ARHGEF15: variants seen among roughly 807,000 people sequenced by gnomAD.
The protein encoded by ARHGEF15 is Rho guanine nucleotide exchange factor 15.
A neutral mutation model predicts 79.7 loss-of-function variants in ARHGEF15; 58 were observed. The observed-to-expected ratio is 0.73, with a 90% CI of 0.59 to 0.91. The LOEUF (loss-of-function observed/expected upper bound fraction) is 0.91. ARHGEF15 is among the 40% of genes least tolerant of loss of function. The pLI, the probability that ARHGEF15 is intolerant of heterozygous loss-of-function variation, is 0.00. For missense variants in ARHGEF15, 1,012 were observed against 1,108.1 expected (o/e 0.91, Z 1.23); for synonymous variants, 442 against 456.0 (o/e 0.97, Z 0.39).
At chr17:8,316,596 T>C (rs1274702883) in intron 9 of ARHGEF15, among the ~76,000 whole-genome samples, 3 of 152,230 alleles carry the variant, frequency 2.0e-5, no homozygotes, top group African/African-American at 7.2e-5. Flanking sequence ...GTGAAAATAA[T>C]CTTAGTTATT....
At chr17:8,313,463 G>A (rs1904805505) in intron 3 of ARHGEF15, 38 bp from the exon 4 acceptor site, 1 of 1,601,800 alleles carries the variant, frequency 6.2e-7, no homozygotes, top group Non-Finnish European at 8.5e-7. Context: ...GGGGATCCTG[G>A]AGTTTTTTTT....
chr17:8,313,004 G>T lies in ARHGEF15; in HGVS notation c.684G>T (p.Val228=), dbSNP rs1248118539. 3 of 1,611,210 alleles carry T rather than the reference G, an allele frequency of 1.9e-6. No individual in the cohort carries two copies. The highest frequency in any genetic ancestry group is 2.5e-6 in the Non-Finnish European group (3 of 1,178,574). Residue 228 remains valine, a synonymous_variant, in exon 3 of 16, where the codon GTG becomes GTT. Transcript: ENST00000361926. ...GCCTGGAGCTCAGATGGGTGCCTGT[G>T]GGGGGCTATGAGGAGGTCCCCAGGG... ...RPGLELRWVP[V]GGYEEVPRVP... is the part of the protein sequence containing the mutation.
chr17:8,316,705 A>G (rs1905046333), intron 9 of ARHGEF15, among the ~76,000 whole-genome samples: 1 of 152,242 alleles, frequency 6.6e-6, no homozygotes, highest in Non-Finnish European at 1.5e-5. Flanking sequence ...AGGGAAAATT[A>G]TCTTAAAAAG....
At position 8,315,399 on chromosome 17, in the gene ARHGEF15, T is replaced by A; in HGVS notation, c.1261-15T>A. On this transcript the variant is annotated splice_polypyrimidine_tract_variant and intron_variant, in intron 6 of 15. Transcript: ENST00000361926. This position sits in a 1 kb window ranked among gnomAD's most constrained non-coding sequence, Gnocchi z 4.3. ...GTGAACTGGGCTTCCCACGACTGCC[T>A]GCTTTTCTTTCTAGAGTCTTTTCGA... 1.9e-6 allele frequency: 3 copies of A among 1,613,868 alleles called. No homozygotes were observed. The South Asian group carries it at 3.3e-5, about 18-fold the overall frequency.
At position 8,318,794 on chromosome 17, in the gene ARHGEF15, A is replaced by G. The variant is rs1905189841; in HGVS notation, c.1917A>G (p.Gly639=). The part of the protein sequence containing the change: ...VSWSRRLEFQ[G]ELTELGCRRG... Reference sequence around the variant, plus strand: ...GGTCACGGCGCCTGGAATTCCAGGGAGAGCTGACTGAGTTAGGGTGCCGGA... The same window carrying G: ...GGTCACGGCGCCTGGAATTCCAGGGGGAGCTGACTGAGTTAGGGTGCCGGA... Residue 639 remains glycine, a synonymous_variant, in exon 12 of 16, where the codon GGA becomes GGG. Coordinates refer to ENST00000361926, the MANE Select transcript of ARHGEF15 (RefSeq NM_173728.4). The surrounding 1 kb of genome is among the most constrained non-coding windows in gnomAD (Gnocchi z 5.0). The G allele has an allele frequency of 6.2e-7, 1 of 1,613,350 alleles. No homozygotes were observed. The highest frequency in any genetic ancestry group is 1.3e-5 in the African/African-American group (1 of 74,866).
chr17:8,315,652 T>G lies in ARHGEF15; in HGVS notation c.1421+78T>G, dbSNP rs1440346073. ...CCCTTTCCTCTCTCCCGGGCCCAGGTCCTTCCTTCTACGGACCCAGTTAGT... is the reference window on the plus strand; with the variant it reads ...CCCTTTCCTCTCTCCCGGGCCCAGGGCCTTCCTTCTACGGACCCAGTTAGT... On this transcript the variant is annotated intron_variant, in intron 7 of 15. Coordinates refer to ENST00000361926, the MANE Select transcript of ARHGEF15 (RefSeq NM_173728.4). The surrounding 1 kb of genome is among the most constrained non-coding windows in gnomAD (Gnocchi z 4.3). The G allele has an allele frequency of 5.7e-6, 9 of 1,591,522 alleles. No homozygotes were observed. Among genetic ancestry groups the G allele is most frequent in the Non-Finnish European group, 7.7e-6 (9 of 1,171,138 alleles).
chr17:8,314,766 C>A (rs1597462843), intron 4 of ARHGEF15, 140 bp from the exon 5 acceptor site: 36 of 621,896 alleles, frequency 5.8e-5, no homozygotes, highest in Middle Eastern at 4.9e-4. Flanking sequence ...AAAAAAAAGC[C>A]TGAGGTTTGA....
Position 8,315,848 on chromosome 17 carries a change from G to T in ARHGEF15, c.1515G>T (p.Ser505=). 1 of 1,612,456 alleles carries T rather than the reference G, an allele frequency of 6.2e-7. No individual in the cohort carries two copies. Among genetic ancestry groups the T allele is most frequent in the South Asian group, 1.1e-5 (1 of 91,062 alleles). The change falls in exon 8 of 16, where the codon TCG becomes TCT. Residue 505 remains serine (S), a synonymous_variant. Transcript: ENST00000361926. This position sits in a 1 kb window ranked among gnomAD's most constrained non-coding sequence, Gnocchi z 4.3. ...ATGCCCACGCTGTGGGGCCTTTCTC[G>T]GTGTATGTGGATTATGTGCGGAACC... is the stretch of plus-strand genomic sequence containing the variant. ...VVHAHAVGPF[S]VYVDYVRNQQ...
At chr17:8,310,701 C>T (rs1904547807) in intron 1 of ARHGEF15, 1 of 152,208 alleles carries the variant, frequency 6.6e-6, no homozygotes, top group Admixed American at 6.6e-5. Context: ...ACCTCTGAGA[C>T]CCTGGATACC....
Position 8,316,163 on chromosome 17 carries a change from T to C in ARHGEF15, c.1704+15T>C, listed in dbSNP as rs569102838. On this transcript the variant is annotated intron_variant, in intron 9 of 15. Transcript: ENST00000361926. ...TGCTGCTGCAGGTACCTGTCCCAGC[T>C]GCGGCCGTTTCTGCCCCACCAACCC... The C allele has an allele frequency of 2.8e-5, 45 of 1,597,254 alleles. 1 individual carries two copies. Among genetic ancestry groups the C allele is most frequent in the Middle Eastern group, 3.7e-4 (2 of 5,344 alleles).
rs750667675 is a variant in ARHGEF15, at chr17:8,312,035, G to T, written c.-5G>T. On this transcript the variant is annotated 5_prime_UTR_variant, in exon 2 of 16. The change creates a new upstream start codon in the 5' untranslated region. Transcript: ENST00000361926. Reference sequence around the variant, plus strand: ...ACCTCACTCCTTTGAAGAGCACAGAGGAAGATGTCAGCCCAGTCCCTTCCT... The same window carrying T: ...ACCTCACTCCTTTGAAGAGCACAGATGAAGATGTCAGCCCAGTCCCTTCCT... 1.3e-6 allele frequency: 2 copies of T among 1,583,814 alleles called. No homozygotes were observed. Among genetic ancestry groups the T allele is most frequent in the East Asian group, 4.5e-5 (2 of 44,286 alleles).
chr17:8,314,810 T>G (rs1904899616), intron 4 of ARHGEF15, 96 bp from the exon 5 acceptor site: 1 of 1,389,800 alleles, frequency 7.2e-7, no homozygotes, highest in Non-Finnish European at 9.7e-7. Flanking sequence ...ACATCCAACC[T>G]GCACATGGGT....
rs1904921136 is a variant in ARHGEF15 at position 8,315,115 on chromosome 17, G to C, written c.1098G>C (p.Trp366Cys). Residue 366 changes from tryptophan to cysteine, a missense_variant, in exon 6 of 16, where the codon TGG (tryptophan) becomes TGC (cysteine). Coordinates refer to ENST00000361926, the MANE Select transcript of ARHGEF15 (RefSeq NM_173728.4). The surrounding 1 kb of genome is among the most constrained non-coding windows in gnomAD (Gnocchi z 4.3). ...CAGCCGTGCTGTCAGAGGAGCTGTGGGGGGTGGGTGAGGATGGGAGTCCTT... is the reference window on the plus strand; with the variant it reads ...CAGCCGTGCTGTCAGAGGAGCTGTGCGGGGTGGGTGAGGATGGGAGTCCTT... The part of the protein sequence containing the change: ...YRAAVLSEEL[W>C]GVGEDGSPSP... 7 of 1,613,884 alleles carry C rather than the reference G, an allele frequency of 4.3e-6. No individual in the cohort carries two copies. In the East Asian group the frequency reaches 1.6e-4, roughly 36 times the overall value.
rs3744651 is a variant in ARHGEF15 at position 8,312,216 on chromosome 17, C to T, written c.177C>T (p.Thr59=). The T allele has an allele frequency of 0.34, 543,519 of 1,576,416 alleles. 97,647 individuals are homozygous for T. Among genetic ancestry groups the T allele is most frequent in the East Asian group, 0.69 (30,338 of 44,192 alleles). The change falls in exon 2 of 16, where the codon ACC becomes ACT. Residue 59 remains threonine (T), a synonymous_variant. Coordinates refer to ENST00000361926, the MANE Select transcript of ARHGEF15 (RefSeq NM_173728.4). ...NSNDAPTPMC[T]PIFWEPPAAS... is the part of the protein sequence containing the mutation. ...ATGATGCACCAACCCCAATGTGCAC[C>T]CCCATCTTCTGGGAGCCCCCAGCTG... is the stretch of plus-strand genomic sequence containing the variant.
chr17:8,319,573 G>T lies in ARHGEF15; in HGVS notation c.2344G>T (p.Ala782Ser). 1 of 1,604,938 alleles carries T rather than the reference G, an allele frequency of 6.2e-7. No individual in the cohort carries two copies. The highest frequency in any genetic ancestry group is 1.3e-5 in the African/African-American group (1 of 74,264). The change falls in exon 15 of 16, where the codon GCC (alanine) becomes TCC (serine). Residue 782 changes from alanine to serine, a missense_variant. Ala to Ser is a moderately conservative substitution (Grantham distance 99). Coordinates refer to ENST00000361926, the MANE Select transcript of ARHGEF15 (RefSeq NM_173728.4). ...TEGRSLESRA[A>S]PKHLHKTPEG... ...AGGACGGAGTCTGGAGTCCAGGGCT[G>T]CCCCCAAACACCTGCACAAGACCCC...
rs1338292603 is a variant in ARHGEF15, at chr17:8,313,267, G to T, written c.934+13G>T. 32 of 1,601,442 alleles carry T rather than the reference G, an allele frequency of 2.0e-5. No individual in the cohort carries two copies. Among genetic ancestry groups the T allele is most frequent in the Non-Finnish European group, 2.5e-5 (29 of 1,178,246 alleles). On this transcript the variant is annotated intron_variant, in intron 3 of 15. Coordinates refer to ENST00000361926, the MANE Select transcript of ARHGEF15 (RefSeq NM_173728.4). ...GGAATCCAAACAGGTGCAGGGCCTGGGGGAGTGGACCTCTGGGCTGTGAGG... is the reference window on the plus strand; with the variant it reads ...GGAATCCAAACAGGTGCAGGGCCTGTGGGAGTGGACCTCTGGGCTGTGAGG...
Position 8,318,837 on chromosome 17 carries a change from G to T in ARHGEF15, c.1960G>T (p.Ala654Ser). The T allele has an allele frequency of 6.2e-7, 1 of 1,613,510 alleles. No individual in the cohort carries two copies. Among genetic ancestry groups the T allele is most frequent in the Non-Finnish European group, 8.5e-7 (1 of 1,179,988 alleles). The change falls in exon 12 of 16, where the codon GCC becomes TCC. Residue 654 changes from alanine to serine, a missense_variant. Coordinates refer to ENST00000361926, the MANE Select transcript of ARHGEF15 (RefSeq NM_173728.4). This position sits in a 1 kb window ranked among gnomAD's most constrained non-coding sequence, Gnocchi z 5.0. ...LGCRRGGVLF[A>S]SRPRFTPLCL... ...GTGCCGGAGGGGGGGCGTGCTCTTT[G>T]CCTCGCGCCCCCGCTTCACCCCTCT...
rs181692039 is a variant in ARHGEF15, at chr17:8,321,860, A to G, written c.*867A>G. 8 of 152,480 alleles carry G rather than the reference A, an allele frequency of 5.2e-5. No individual in the cohort carries two copies. Among genetic ancestry groups the G allele is most frequent in the African/African-American group, 1.2e-4 (5 of 41,536 alleles). The allele number at this position is 152,480 out of a possible 1,614,324, so 9.4% of individuals were successfully genotyped here. A position where few individuals can be genotyped will look rare whatever the true frequency, so the allele number is the denominator to read the frequency against. Reference sequence around the variant, plus strand: ...TCTGTGGCAGTTGCAGGGCAATGTTATGGAGCAGCCAACGGCCTGGCAGAG... The same window carrying G: ...TCTGTGGCAGTTGCAGGGCAATGTTGTGGAGCAGCCAACGGCCTGGCAGAG... On this transcript the variant is annotated 3_prime_UTR_variant, in exon 16 of 16. Transcript: ENST00000361926.
At chr17:8,314,031 C>CA (rs60347148) in intron 4 of ARHGEF15, 62,510 of 141,884 alleles carry the variant, frequency 0.44, 13,471 homozygotes, top group East Asian at 0.66. Context: ...AACTCCATCT[C>CA]AAAAAAAAAA....
Sources: gnomAD v4.1 joint callset for allele counts (sites outside exome capture counted in the v4.1 genomes callset) on GRCh38, gnomAD v4.1.1 for gene constraint, Gnocchi (gnomAD v3.1) non-coding constraint, MANE v1.5 for transcripts, NCBI Gene and HGNC (gene_info 2026-07-23, HGNC 2026-07-21) for gene names.